PXDNL: variants seen among roughly 807,000 people sequenced by gnomAD.
PXDNL encodes the protein probable oxidoreductase PXDNL.
Under a neutral mutation model 150.8 loss-of-function variants are expected in PXDNL, and 145 were observed. That is an observed-to-expected ratio of 0.96 (90% CI 0.84 to 1.10). PXDNL has a LOEUF of 1.10. PXDNL is among the 50% of genes least tolerant of loss of function. PXDNL has a pLI of 0.00. For missense variants in PXDNL, 2,087 were observed against 1,873.9 expected (o/e 1.11, Z -2.10); for synonymous variants, 757 against 725.7 (o/e 1.04, Z -0.69).
intron 1 of PXDNL, among the ~76,000 whole-genome samples, chr8:51,768,874 T>G (rs541267736): frequency 6.6e-6 from 1 of 152,274 alleles, no homozygotes; most frequent in South Asian, 2.1e-4. Flanking sequence ...GGTGGGCGGA[T>G]CACGAGGTCA....
At chr8:51,323,833 T>G (rs1007358273) in intron 21 of PXDNL, among the ~76,000 whole-genome samples, 2 of 151,736 alleles carry the variant, frequency 1.3e-5, no homozygotes, top group African/African-American at 4.8e-5. Context: ...GGATAATCAT[T>G]TGAACCCAAG....
At chr8:51,377,144 A>AC (rs10683453) in intron 17 of PXDNL, among the ~76,000 whole-genome samples, 41 of 146,298 alleles carry the variant, frequency 2.8e-4, no homozygotes, top group South Asian at 1.0e-3. Context: ...ACACACACAC[A>AC]AAGCCAAAGC....
intron 1 of PXDNL, among the ~76,000 whole-genome samples, chr8:51,717,408 A>G (rs1816636557): frequency 6.6e-6 from 1 of 152,204 alleles, no homozygotes; most frequent in African/African-American, 2.4e-5. Context: ...ATGTCTTGCA[A>G]AAGAACTGCA....
chr8:51,380,625 C>A (rs535806026), intron 17 of PXDNL, among the ~76,000 whole-genome samples: 15 of 152,250 alleles, frequency 9.9e-5, no homozygotes, highest in African/African-American at 3.4e-4. Context: ...AGTAATATGG[C>A]AGTTTTATCC....
intron 1 of PXDNL, among the ~76,000 whole-genome samples, chr8:51,666,595 T>G (rs1046592737): frequency 2.0e-5 from 3 of 152,206 alleles, no homozygotes; most frequent in African/African-American, 4.8e-5. Flanking sequence ...AAGATACCTG[T>G]CAACTTTACC....
At chr8:51,580,333 G>A (rs367874725) in intron 3 of PXDNL, among the ~76,000 whole-genome samples, 16 of 152,146 alleles carry the variant, frequency 1.1e-4, no homozygotes, top group Middle Eastern at 3.4e-3. Context: ...ATCTCTCTGC[G>A]TATTATTTCT....
chr8:51,752,575 C>T (rs1173380559), intron 1 of PXDNL, among the ~76,000 whole-genome samples: 2 of 152,072 alleles, frequency 1.3e-5, no homozygotes, highest in African/African-American at 2.4e-5. Context: ...ATCATGTATG[C>T]CAGCATCATG....
At chr8:51,603,609 A>C (rs1300078932) in intron 2 of PXDNL, among the ~76,000 whole-genome samples, 1 of 151,962 alleles carries the variant, frequency 6.6e-6, no homozygotes, top group East Asian at 1.9e-4. Flanking sequence ...ACCATTTCTA[A>C]GGTGAATGTG....
rs71237219 is a variant in PXDNL, at chr8:51,608,002, GAAGAAAGAAAGAAAGAAAGA to G, written c.237-15324_237-15305del. On this transcript the variant is annotated intron_variant, in intron 2 of 22. Coordinates refer to ENST00000356297, the MANE Select transcript of PXDNL (RefSeq NM_144651.5). ...GGAAGGAAGAGAGAGAGGAAGGAAG[GAAGAAAGAAAGAAAGAAAGA>G]AAGAAAGAAAGAAAGAAAGAAAGAA... 2.6e-4 allele frequency among the ~76,000 whole-genome samples: 17 copies of G among 64,686 alleles called. 1 individual carries two copies. The highest frequency in any genetic ancestry group is 1.0e-3 in the South Asian group (2 of 1,994). The allele number at this position is 64,686 out of a possible 152,430, so 42.4% of individuals were successfully genotyped here.
intron 3 of PXDNL, among the ~76,000 whole-genome samples, chr8:51,564,355 G>A (rs1168903562): frequency 6.6e-6 from 1 of 151,896 alleles, no homozygotes; most frequent in African/African-American, 2.4e-5. Context: ...ATAATACGTA[G>A]AATTTATTTT....
chr8:51,355,968 A>T (rs561253107), intron 19 of PXDNL, among the ~76,000 whole-genome samples: 5 of 152,340 alleles, frequency 3.3e-5, no homozygotes, highest in African/African-American at 1.2e-4. Flanking sequence ...AAATTACAGA[A>T]AGTATAACGA....
chr8:51,543,724 A>T (rs1812279023), intron 4 of PXDNL, among the ~76,000 whole-genome samples: 1 of 151,234 alleles, frequency 6.6e-6, no homozygotes, highest in Non-Finnish European at 1.5e-5. Flanking sequence ...AAAAAAAAAA[A>T]AAAAAAAGAA....
At chr8:51,491,859 C>G (rs917413016) in intron 5 of PXDNL, among the ~76,000 whole-genome samples, 1 of 152,236 alleles carries the variant, frequency 6.6e-6, no homozygotes, top group Non-Finnish European at 1.5e-5. Context: ...CATTGTGATG[C>G]TAAATCTTGA....
intron 17 of PXDNL, among the ~76,000 whole-genome samples, chr8:51,395,217 C>T (rs1460402590): frequency 2.0e-5 from 3 of 152,176 alleles, no homozygotes; most frequent in East Asian, 3.9e-4. Context: ...GCATCAGGCC[C>T]TCCTTGACTT....
At chr8:51,389,508 T>A (rs1036603482) in intron 17 of PXDNL, among the ~76,000 whole-genome samples, 3 of 152,188 alleles carry the variant, frequency 2.0e-5, no homozygotes, top group African/African-American at 7.2e-5. Flanking sequence ...CAGAGAACTC[T>A]GTTTCAGGCC....
In PXDNL at chr8:51,529,017, T is replaced by C. The variant is rs142320523; in HGVS notation, c.380+27823A>G. 1.9e-3 allele frequency among the ~76,000 whole-genome samples: 295 copies of C among 152,292 alleles called. 2 individuals are homozygous for C. Among genetic ancestry groups the C allele is most frequent in the African/African-American group, 6.8e-3 (281 of 41,552 alleles). ...AGATGCTATGGTTGTGGTGATTTGTTATGGGAACGAATATAGTTACAAATC... is the reference window on the plus strand; with the variant it reads ...AGATGCTATGGTTGTGGTGATTTGTCATGGGAACGAATATAGTTACAAATC... On this transcript the variant is annotated intron_variant, in intron 4 of 22. Transcript: ENST00000356297.
rs1455828093 is a variant in PXDNL at position 51,408,611 on chromosome 8, C to T, written c.3013G>A (p.Val1005Met). Residue 1005 changes from valine (V) to methionine (M), a missense_variant, in exon 17 of 23, where the codon GTG becomes ATG. Physicochemically the swap from Val to Met is conservative, Grantham distance 21 (BLOSUM62 1). Transcript: ENST00000356297. The part of the protein sequence containing the change: ...NTVYQEARKI[V>M]GAELQHITYS... ...GTGATGTGCTGCAGCTCCGCGCCCA[C>T]GATCTTCCTGGCTTCCTGGTAAACC... The T allele has an allele frequency of 6.2e-7, 1 of 1,611,026 alleles. No individual in the cohort carries two copies. Among genetic ancestry groups the T allele is most frequent in the African/African-American group, 1.3e-5 (1 of 75,024 alleles).
chr8:51,493,366 A>C (rs1023118676), intron 5 of PXDNL, among the ~76,000 whole-genome samples: 6 of 152,198 alleles, frequency 3.9e-5, no homozygotes, highest in Admixed American at 3.3e-4. Flanking sequence ...AACTCTAAAA[A>C]TCAGAGCGCC....
intron 3 of PXDNL, among the ~76,000 whole-genome samples, chr8:51,565,922 G>A (rs1184691186): frequency 1.3e-5 from 2 of 151,738 alleles, no homozygotes; most frequent in African/African-American, 4.8e-5. Flanking sequence ...TCACCATTAA[G>A]CATTATATTA....
Sources: gnomAD v4.1 joint callset for allele counts (sites outside exome capture counted in the v4.1 genomes callset) on GRCh38, gnomAD v4.1.1 for gene constraint, MANE v1.5 for transcripts, NCBI Gene and HGNC (gene_info 2026-07-23, HGNC 2026-07-21) for gene names.